PTPRK: variants seen among roughly 807,000 people sequenced by gnomAD.
PTPRK encodes protein tyrosine phosphatase receptor type K, also known as receptor-type tyrosine-protein phosphatase kappa.
Under a neutral mutation model 178.0 loss-of-function variants are expected in PTPRK, and 75 were observed. The observed-to-expected ratio is 0.42, with a 90% CI of 0.35 to 0.51. The LOEUF is 0.51. PTPRK is among the 20% of genes least tolerant of loss of function. The probability of loss-of-function intolerance (pLI) is 0.02; values close to 1 mark genes in which losing one functional copy is unlikely to be tolerated. For synonymous variants in PTPRK, 637 were observed against 620.6 expected, an observed-to-expected ratio of 1.03 and a Z score of -0.39; for missense variants, 1,441 against 1,797.8, an observed-to-expected ratio of 0.80 and a Z score of 3.59.
chr6:128,204,530 T>C (rs1253740646), intron 6 of PTPRK, among the ~76,000 whole-genome samples: 1 of 151,742 alleles, frequency 6.6e-6, no homozygotes, highest in African/African-American at 2.4e-5. Context: ...CTGACAAAAG[T>C]CTAATATCCA....
At chr6:128,228,186 A>C (rs577413724) in intron 5 of PTPRK, among the ~76,000 whole-genome samples, 1 of 152,212 alleles carries the variant, frequency 6.6e-6, no homozygotes, top group African/African-American at 2.4e-5. Flanking sequence ...CAGTAAAGTC[A>C]ACAGATGATT....
At chr6:128,112,008 T>A (rs1310603946) in intron 7 of PTPRK, among the ~76,000 whole-genome samples, 1 of 152,022 alleles carries the variant, frequency 6.6e-6, no homozygotes, top group African/African-American at 2.4e-5. Flanking sequence ...AAAAAGGTTT[T>A]ACAGCTTTCA....
At chr6:128,454,007 C>T (rs118004595) in intron 1 of PTPRK, among the ~76,000 whole-genome samples, 2,518 of 152,210 alleles carry the variant, frequency 0.017, 29 homozygotes, top group Non-Finnish European at 0.027. Context: ...TACACAATAA[C>T]ATATGGATAT....
chr6:128,077,516 G>T (rs1582884079), intron 11 of PTPRK, among the ~76,000 whole-genome samples: 1 of 151,690 alleles, frequency 6.6e-6, no homozygotes, highest in Non-Finnish European at 1.5e-5. Context: ...AGTGATCTAG[G>T]ATTATTTTTG....
intron 13 of PTPRK, among the ~76,000 whole-genome samples, chr6:128,028,868 G>C (rs1774788016): frequency 6.6e-6 from 1 of 152,130 alleles, no homozygotes. Context: ...ATGTTAAACG[G>C]ACTCTATTTT....
intron 3 of PTPRK, among the ~76,000 whole-genome samples, chr6:128,250,262 A>G (rs901025898): frequency 6.6e-6 from 1 of 152,234 alleles, no homozygotes; most frequent in African/African-American, 2.4e-5. Flanking sequence ...GGGAATTAAT[A>G]TCTTCTCTTT....
At chr6:128,454,966 G>A (rs1848221220) in intron 1 of PTPRK, among the ~76,000 whole-genome samples, 1 of 152,052 alleles carries the variant, frequency 6.6e-6, no homozygotes, top group South Asian at 2.1e-4. Flanking sequence ...GGGATTAAAT[G>A]TAGGGCTGTA....
chr6:128,111,396 A>T (rs1790635720), intron 7 of PTPRK, among the ~76,000 whole-genome samples: 1 of 152,134 alleles, frequency 6.6e-6, no homozygotes. Context: ...GTTGACCTGT[A>T]ATTATGGAAG....
intron 7 of PTPRK, among the ~76,000 whole-genome samples, chr6:128,107,867 A>C (rs912299030): frequency 2.0e-5 from 3 of 152,312 alleles, no homozygotes; most frequent in African/African-American, 7.2e-5. Flanking sequence ...GCAAGACAGC[A>C]GTCCCCTACA....
chr6:128,496,266 T>C (rs1854638474), intron 1 of PTPRK, among the ~76,000 whole-genome samples: 1 of 152,156 alleles, frequency 6.6e-6, no homozygotes, highest in African/African-American at 2.4e-5. Context: ...AATGTGATTA[T>C]CAGAAAAAAC....
In PTPRK at chr6:128,405,999, CAAAAAACAAA is replaced by C. The variant is rs1461969476; in HGVS notation, c.101-8321_101-8312del. Among the ~76,000 whole-genome samples the C allele has an allele frequency of 2.0e-5, 3 of 150,258 alleles. No homozygotes were observed. The East Asian group carries it at 5.8e-4, about 29-fold the overall frequency. On this transcript the variant is annotated intron_variant, in intron 1 of 29. Coordinates refer to ENST00000368226, the MANE Select transcript of PTPRK (RefSeq NM_002844.4). ...AAATAATTAAAATGCATCTTGAAATCAAAAAACAAAAAAAAAGAACACTTTTTTAAGGAGG... is the reference window on the plus strand; with the variant it reads ...AAATAATTAAAATGCATCTTGAAATCAAAAAAGAACACTTTTTTAAGGAGG...
At chr6:127,996,804 C>T in intron 17 of PTPRK, 97 bp downstream of exon 17, 1 of 1,402,258 alleles carries the variant, frequency 7.1e-7, no homozygotes, top group Non-Finnish European at 9.6e-7. Context: ...TAGATTACTT[C>T]ATAAACAGAC....
At chr6:128,269,521 A>T (rs559392594) in intron 3 of PTPRK, among the ~76,000 whole-genome samples, 48 of 134,078 alleles carry the variant, frequency 3.6e-4, no homozygotes, top group South Asian at 1.3e-3. Context: ...AAATAAATTT[A>T]AAAAAAAAAA....
At chr6:127,986,833 C>T (rs534973739) in intron 21 of PTPRK, among the ~76,000 whole-genome samples, 2 of 152,232 alleles carry the variant, frequency 1.3e-5, no homozygotes, top group South Asian at 4.1e-4. Flanking sequence ...CAATCTTATA[C>T]AAACCAATAC....
chr6:128,073,948 A>G (rs1314394407), intron 11 of PTPRK, among the ~76,000 whole-genome samples: 1 of 152,040 alleles, frequency 6.6e-6, no homozygotes, highest in African/African-American at 2.4e-5. Flanking sequence ...ACTATTTGAT[A>G]TCTTTAAATT....
chr6:128,170,222 G>A (rs1157701345), intron 7 of PTPRK, among the ~76,000 whole-genome samples: 1 of 151,978 alleles, frequency 6.6e-6, no homozygotes, highest in African/African-American at 2.4e-5. Flanking sequence ...GAGTGTTGGG[G>A]ATGAGTTAAA....
chr6:128,214,453 T>C (rs999256418), intron 6 of PTPRK, among the ~76,000 whole-genome samples: 14 of 152,280 alleles, frequency 9.2e-5, no homozygotes, highest in African/African-American at 3.4e-4. Flanking sequence ...AATAAACAAC[T>C]AATTCTGAGT....
intron 13 of PTPRK, among the ~76,000 whole-genome samples, chr6:128,028,104 G>A (rs1463737652): frequency 1.3e-5 from 2 of 152,136 alleles, no homozygotes; most frequent in Admixed American, 6.5e-5. Flanking sequence ...AAATGAAAAT[G>A]ACGAATATAA....
chr6:128,322,616 C>G (rs1253488747), intron 2 of PTPRK, among the ~76,000 whole-genome samples: 1 of 150,166 alleles, frequency 6.7e-6, no homozygotes, highest in Non-Finnish European at 1.5e-5. Context: ...GGGTTCAAAT[C>G]CAGATCTCAC....
Sources: gnomAD v4.1 joint callset for allele counts (sites outside exome capture counted in the v4.1 genomes callset) on GRCh38, gnomAD v4.1.1 for gene constraint, MANE v1.5 for transcripts, NCBI Gene and HGNC (gene_info 2026-07-23, HGNC 2026-07-21) for gene names.